PRICKLE3: variants seen among roughly 807,000 people sequenced by gnomAD.
PRICKLE3 encodes prickle planar cell polarity protein 3, also known as LIM domain only protein 6.
PRICKLE3 carries 17 observed loss-of-function variants against 33.8 expected under a neutral mutation model. The observed-to-expected ratio is 0.50, with a 90% CI of 0.34 to 0.75. PRICKLE3 has a LOEUF of 0.75. Ranked by LOEUF, PRICKLE3 falls within the 30% of genes least tolerant of loss-of-function variation. PRICKLE3 has a pLI of 0.01. For synonymous variants in PRICKLE3, 211 were observed against 219.6 expected (o/e 0.96, Z 0.34); for missense variants, 573 against 576.7 (o/e 0.99, Z 0.07).
chrX:49,183,660 AGTGT>A (rs111289873), intron 3 of PRICKLE3, 70 bp downstream of exon 3: 493 of 1,020,315 alleles, frequency 4.8e-4, no homozygotes, highest in Admixed American at 2.0e-3. Flanking sequence ...TTCCCACCTG[AGTGT>A]GTGTGTGTGT....
At chrX:49,180,557 A>C (rs1444022497) in intron 3 of PRICKLE3, among the ~76,000 whole-genome samples, 1 of 110,972 alleles carries the variant, frequency 9.0e-6, no homozygotes, top group East Asian at 2.8e-4. Flanking sequence ...GTAGCACTGC[A>C]CCGAGCTGAC....
At position 49,175,605 on chromosome X, in the gene PRICKLE3, G is replaced by A; in HGVS notation, c.*68C>T. On this transcript the variant is annotated 3_prime_UTR_variant, in exon 9 of 9. Coordinates refer to ENST00000599218, the MANE Select transcript of PRICKLE3 (RefSeq NM_006150.5). ...TTAGGTTGTAGGGGCGGGGCGTGGG[G>A]GTGAGGGGCATGGGCCTCATCATCT... The A allele has an allele frequency of 2.1e-6, 2 of 958,478 alleles. No individual in the cohort carries two copies. The highest frequency in any genetic ancestry group is 2.9e-6 in the Non-Finnish European group (2 of 692,989). The allele number at this position is 958,478 out of a possible 1,213,427, so 79.0% of individuals were successfully genotyped here. A position where few individuals can be genotyped will look rare whatever the true frequency, so the allele number is the denominator to read the frequency against.
intron 8 of PRICKLE3, 89 bp from the exon 9 acceptor site, chrX:49,176,354 T>A: frequency 1.4e-6 from 1 of 691,245 alleles, no homozygotes; most frequent in Non-Finnish European, 2.1e-6. Context: ...CCTTCTTTCC[T>A]CCACTAAGAC....
rs370593845 is a variant in PRICKLE3 at position 49,183,084 on chromosome X, G to A, written c.312+650C>T. Among the ~76,000 whole-genome samples the A allele has an allele frequency of 3.9e-4, 44 of 111,884 alleles. No homozygotes were observed. The East Asian group carries it at 0.012, about 30-fold the overall frequency. ...AGTAATCCGCCCGCCTCAGCCTCCCGAAGTGCTGGGATTACAGGCGTGAGC... is the reference window on the plus strand; with the variant it reads ...AGTAATCCGCCCGCCTCAGCCTCCCAAAGTGCTGGGATTACAGGCGTGAGC... On this transcript the variant is annotated intron_variant, in intron 3 of 8. Coordinates refer to ENST00000599218, the MANE Select transcript of PRICKLE3 (RefSeq NM_006150.5).
At position 49,175,765 on chromosome X, in the gene PRICKLE3, C is replaced by A. The variant is rs1557099813; in HGVS notation, c.1756G>T (p.Glu586Ter). 1.7e-6 allele frequency: 2 copies of A among 1,210,195 alleles called. No individual in the cohort carries two copies. The highest frequency in any genetic ancestry group is 3.5e-5 in the African/African-American group (2 of 57,196). ...GATAAAGATGGGGAGTTGAAGGTCT[C>A]CATTGCAGTGTCCTGAGCAGGCATG... ...RPMPAQDTAM[E>*]TFNSPSLSLP... Residue 586 changes from glutamate to a stop codon, truncating the protein, a stop_gained, in exon 9 of 9, where the codon GAG becomes TAG. Coordinates refer to ENST00000599218, the MANE Select transcript of PRICKLE3 (RefSeq NM_006150.5). LOFTEE classifies it low-confidence loss of function (END_TRUNC).
intron 4 of PRICKLE3, 118 bp downstream of exon 4, chrX:49,179,575 C>T (rs782704617): frequency 1.1e-6 from 1 of 869,630 alleles, no homozygotes; most frequent in South Asian, 2.1e-5. Flanking sequence ...CTGATGACCC[C>T]TGCCTGTCTG....
rs1557100134 is a variant in PRICKLE3 at position 49,176,939 on chromosome X, T to C, written c.1219A>G (p.Thr407Ala). 3 of 1,202,584 alleles carry C rather than the reference T, an allele frequency of 2.5e-6. No individual in the cohort carries two copies. In the South Asian group the frequency reaches 5.4e-5, roughly 22 times the overall value. The change falls in exon 8 of 9, where the codon ACC becomes GCC. Residue 407 changes from threonine (T) to alanine (A), a missense_variant. Physicochemically the swap from Thr to Ala is moderately conservative, Grantham distance 58. Coordinates refer to ENST00000599218, the MANE Select transcript of PRICKLE3 (RefSeq NM_006150.5). The part of the protein sequence containing the change: ...SFSAVKGASE[T>A]TTKGTSTELA... ...TCTGTGCTGGTGCCTTTGGTGGTGG[T>C]CTCTGATGCCCCCTTCACAGCAGAG...
In PRICKLE3 at chrX:49,176,972, C is replaced by G. The variant is rs1557100150; in HGVS notation, c.1186G>C (p.Ala396Pro). Residue 396 changes from alanine (A) to proline (P), a missense_variant, in exon 8 of 9, where the codon GCC becomes CCC. By Grantham distance (27) the Ala-to-Pro change is conservative (BLOSUM62 -1). Transcript: ENST00000599218. ...GCCCCCTTCACAGCAGAGAAAGAGG[C>G]TGTGGAGGCTGCAAGTGGGGCTGTG... ...PVTAPLAASTASFSAVKGASE... is the reference protein window; with the variant it reads ...PVTAPLAASTPSFSAVKGASE... 8.3e-7 allele frequency: 1 copy of G among 1,211,023 alleles called. No homozygotes were observed. The highest frequency in any genetic ancestry group is 2.2e-5 in the Admixed American group (1 of 45,981).
intron 5 of PRICKLE3, 140 bp downstream of exon 5, chrX:49,179,111 C>T (rs1201691892): frequency 2.4e-6 from 2 of 835,670 alleles, no homozygotes; most frequent in African/African-American, 2.1e-5. Flanking sequence ...ACAGACCCCG[C>T]CCACAAGAGG....
Position 49,178,279 on chromosome X carries a change from C to T in PRICKLE3, c.761G>A (p.Cys254Tyr). 1 of 1,199,333 alleles carries T rather than the reference C, an allele frequency of 8.3e-7. No individual in the cohort carries two copies. The highest frequency in any genetic ancestry group is 1.1e-6 in the Non-Finnish European group (1 of 889,169). ...AECLRPRCQA[C>Y]DEIIFSPECT... ...GGGCAGGGAGGCCCAAACCTCGTCA[C>T]AGGCTTGGCAGCGTGGACGCAGGCA... Residue 254 changes from cysteine to tyrosine, a missense_variant, in exon 6 of 9, where the codon TGT becomes TAT. Transcript: ENST00000599218.
chrX:49,179,758 T>C lies in PRICKLE3; in HGVS notation c.361A>G (p.Asn121Asp). 8.4e-7 allele frequency: 1 copy of C among 1,185,940 alleles called. No individual in the cohort carries two copies. The highest frequency in any genetic ancestry group is 1.1e-6 in the Non-Finnish European group (1 of 880,375). ...CLPEDKVPYV[N>D]SPGEKYRIKQ... is the part of the protein sequence containing the mutation. The stretch of plus-strand genomic sequence containing the variant: ...ATCCTGTATTTCTCCCCAGGACTGT[T>C]GACGTAGGGGACCTTGTCCTCTGGG... Residue 121 changes from asparagine to aspartate, a missense_variant, in exon 4 of 9, where the codon AAC (asparagine) becomes GAC (aspartate). Physicochemically the swap from Asn to Asp is conservative, Grantham distance 23 (BLOSUM62 1). Coordinates refer to ENST00000599218, the MANE Select transcript of PRICKLE3 (RefSeq NM_006150.5).
chrX:49,175,600 G>T lies in PRICKLE3; in HGVS notation c.*73C>A. The T allele has an allele frequency of 1.1e-6, 1 of 902,327 alleles. No homozygotes were observed. The highest frequency in any genetic ancestry group is 2.0e-5 in the African/African-American group (1 of 51,046). 74.4% of individuals were successfully genotyped at this position (902,327 alleles called of 1,213,427 possible). ...ATGACTTAGGTTGTAGGGGCGGGGC[G>T]TGGGGGTGAGGGGCATGGGCCTCAT... On this transcript the variant is annotated 3_prime_UTR_variant, in exon 9 of 9. Coordinates refer to ENST00000599218, the MANE Select transcript of PRICKLE3 (RefSeq NM_006150.5).
At chrX:49,183,172 A>G (rs782807023) in intron 3 of PRICKLE3, among the ~76,000 whole-genome samples, 7 of 112,254 alleles carry the variant, frequency 6.2e-5, no homozygotes, top group African/African-American at 1.9e-4. Flanking sequence ...CTCAGTGCCT[A>G]GAACAGTGTC....
In PRICKLE3 at chrX:49,178,055, TG is replaced by T; in HGVS notation, c.892del (p.His298ThrfsTer62). On this transcript the variant is annotated frameshift_variant, in exon 7 of 9. Transcript: ENST00000599218. LOFTEE classifies it high-confidence loss of function. The part of the protein sequence containing the change: ...QRYVMRQSRP[H>X]CCACYEARHA... ...GCGGGCCTCGTAGCAGGCGCAGCAG[TG>T]GGGGCGGCTCTGACGCATGACATAG... The T allele has an allele frequency of 1.7e-6, 2 of 1,161,121 alleles. No individual in the cohort carries two copies. The highest frequency in any genetic ancestry group is 2.6e-5 in the Admixed American group (1 of 38,674).
At chrX:49,184,837 T>C (rs1569526587) in intron 1 of PRICKLE3, 127 bp from the exon 2 acceptor site, 2 of 1,162,620 alleles carry the variant, frequency 1.7e-6, no homozygotes, top group Non-Finnish European at 2.3e-6. Context: ...TGGGCAGCGC[T>C]GGGCAGGCTG....
Position 49,186,278 on chromosome X carries a change from C to T in PRICKLE3, c.20G>A (p.Arg7Gln), listed in dbSNP as rs1264330408. ...CACCGCACGCCCGGAGCGGCGCCTC[C>T]GGGACCCACGCGCGAACATGGCGCG... Reference protein sequence around the residue: MFARGSRRRRSGRAPPE... With the variant: MFARGSQRRRSGRAPPE... Residue 7 changes from arginine to glutamine, a missense_variant, in exon 1 of 9, where the codon CGG (arginine) becomes CAG (glutamine). Transcript: ENST00000599218. 17 of 1,151,485 alleles carry T rather than the reference C, an allele frequency of 1.5e-5. No homozygotes were observed. The highest frequency in any genetic ancestry group is 2.0e-5 in the Non-Finnish European group (17 of 866,259). 94.9% of individuals were successfully genotyped at this position (1,151,485 alleles called of 1,213,427 possible).
chrX:49,178,074 T>C lies in PRICKLE3; in HGVS notation c.874A>G (p.Met292Val), dbSNP rs1327760829. The change falls in exon 7 of 9, where the codon ATG (methionine) becomes GTG (valine). Residue 292 changes from methionine to valine, a missense_variant. By Grantham distance (21) the Met-to-Val change is conservative. Coordinates refer to ENST00000599218, the MANE Select transcript of PRICKLE3 (RefSeq NM_006150.5). ...CAGCAGTGGGGGCGGCTCTGACGCA[T>C]GACATAGCGCTGCCCTCCTAGTGAA... The part of the protein sequence containing the change: ...EASLGGQRYV[M>V]RQSRPHCCAC... The C allele has an allele frequency of 2.6e-6, 3 of 1,171,692 alleles. No individual in the cohort carries two copies. The highest frequency in any genetic ancestry group is 3.4e-6 in the Non-Finnish European group (3 of 874,053).
chrX:49,176,907 C>T lies in PRICKLE3; in HGVS notation c.1251G>A (p.Ala417=), dbSNP rs144206056. 429 of 1,190,617 alleles carry T rather than the reference C, an allele frequency of 3.6e-4. No homozygotes were observed. The highest frequency in any genetic ancestry group is 4.6e-4 in the Non-Finnish European group (405 of 886,051). ...TTTKGTSTEL[A]PATGPEEPSR... ...GTGGCTAGAGGGTTAGCTCACCTGG[C>T]GCTAACTCTGTGCTGGTGCCTTTGG... The change falls in exon 8 of 9, where the codon GCG becomes GCA. Residue 417 remains alanine (A), a synonymous_variant. Coordinates refer to ENST00000599218, the MANE Select transcript of PRICKLE3 (RefSeq NM_006150.5).
At position 49,179,702 on chromosome X, in the gene PRICKLE3, G is replaced by A. The variant is rs782284374; in HGVS notation, c.417C>T (p.His139=). 7 of 1,178,114 alleles carry A rather than the reference G, an allele frequency of 5.9e-6. No individual in the cohort carries two copies. Among genetic ancestry groups the A allele is most frequent in the East Asian group, 3.1e-5 (1 of 32,665 alleles). Residue 139 remains histidine, a synonymous_variant, in exon 4 of 9, where the codon CAC becomes CAT. Coordinates refer to ENST00000599218, the MANE Select transcript of PRICKLE3 (RefSeq NM_006150.5). ...IKQLLHQLPP[H]DSEAQYCTAL... is the part of the protein sequence containing the mutation. The stretch of plus-strand genomic sequence containing the variant: ...TCTTCTCTCTCCTCACCTCACTGTC[G>A]TGTGGGGGCAGCTGGTGCAGCAGCT...
Sources: gnomAD v4.1 joint callset for allele counts (sites outside exome capture counted in the v4.1 genomes callset) on GRCh38, gnomAD v4.1.1 for gene constraint, MANE v1.5 for transcripts, NCBI Gene and HGNC (gene_info 2026-07-23, HGNC 2026-07-21) for gene names.